The following CUEDC1 variants were observed in gnomAD, a reference collection of about 807,000 sequenced individuals.
CUEDC1 encodes the protein CUE domain-containing protein 1.
A neutral mutation model predicts 43.7 loss-of-function variants in CUEDC1; 30 were observed. The observed-to-expected ratio is 0.69, with a 90% confidence interval of 0.51 to 0.93. The LOEUF (loss-of-function observed/expected upper bound fraction) is 0.93. Ranked by LOEUF, CUEDC1 falls within the 40% of genes least tolerant of loss-of-function variation. CUEDC1 has a pLI of 0.00. For synonymous variants in CUEDC1, 223 were observed against 223.6 expected, an observed-to-expected ratio of 1.00 and a Z score of 0.02; for missense variants, 486 against 549.0, an observed-to-expected ratio of 0.89 and a Z score of 1.15.
intron 2 of CUEDC1, among the ~76,000 whole-genome samples, chr17:57,880,617 T>C (rs1266946397): frequency 6.6e-6 from 1 of 152,056 alleles, no homozygotes; most frequent in African/African-American, 2.4e-5. Context: ...CTTAGATTCT[T>C]CCCCAGAAGC....
chr17:57,935,651 G>A (rs970176923), intron 1 of CUEDC1, among the ~76,000 whole-genome samples: 2 of 152,010 alleles, frequency 1.3e-5, no homozygotes, highest in Non-Finnish European at 2.9e-5. Context: ...CTTCCACAGG[G>A]AACAAAACAA....
chr17:57,897,181 G>T (rs544074884), intron 1 of CUEDC1, among the ~76,000 whole-genome samples: 5 of 152,140 alleles, frequency 3.3e-5, no homozygotes, highest in Admixed American at 2.6e-4. Flanking sequence ...TATATACTTG[G>T]CATGCATTAT....
At chr17:57,899,228 A>G (rs888870331) in intron 1 of CUEDC1, among the ~76,000 whole-genome samples, 3 of 152,110 alleles carry the variant, frequency 2.0e-5, no homozygotes, top group Non-Finnish European at 2.9e-5. Flanking sequence ...GGGATAATTT[A>G]GAGCCACTCA....
chr17:57,901,965 G>A (rs1019313385), intron 1 of CUEDC1, among the ~76,000 whole-genome samples: 4 of 152,146 alleles, frequency 2.6e-5, no homozygotes, highest in African/African-American at 7.2e-5. Flanking sequence ...CCTGAGGTCA[G>A]GAGTTCAAGA....
chr17:57,929,167 A>G (rs746754469), intron 1 of CUEDC1, among the ~76,000 whole-genome samples: 1 of 152,192 alleles, frequency 6.6e-6, no homozygotes, highest in African/African-American at 2.4e-5. Context: ...TTGACACCCA[A>G]TATTATCAAG....
intron 1 of CUEDC1, among the ~76,000 whole-genome samples, chr17:57,938,411 G>A (rs1232805237): frequency 5.3e-5 from 8 of 151,828 alleles, no homozygotes; most frequent in Admixed American, 3.3e-4. Context: ...CAAACAGCTC[G>A]CCTGCCTCCA....
At chr17:57,896,347 C>A (rs1293837288) in intron 1 of CUEDC1, among the ~76,000 whole-genome samples, 1 of 152,164 alleles carries the variant, frequency 6.6e-6, no homozygotes, top group Non-Finnish European at 1.5e-5. Flanking sequence ...ACATTATCAG[C>A]ATCCTCCTCT....
At position 57,866,489 on chromosome 17, in the gene CUEDC1, T is replaced by C. The variant is rs770362613; in HGVS notation, c.1149A>G (p.Arg383=). 1 of 1,614,182 alleles carries C rather than the reference T, an allele frequency of 6.2e-7. No individual in the cohort carries two copies. The highest frequency in any genetic ancestry group is 8.5e-7 in the Non-Finnish European group (1 of 1,180,012). The stretch of plus-strand genomic sequence containing the variant: ...CAGGCCTTACCTCTTACTGTCCTTC[T>C]CGCAGGCCTTCCTCCACCTTGGGTG... ...QEAPKVEEGL[R]EGQ is the part of the protein sequence containing the mutation. Residue 383 remains arginine, a synonymous_variant, in exon 10 of 11, where the codon CGA becomes CGG. Coordinates refer to ENST00000577830, the MANE Select transcript of CUEDC1 (RefSeq NM_001271875.2).
At position 57,920,632 on chromosome 17, in the gene CUEDC1, CTT is replaced by C. The variant is rs58900177; in HGVS notation, c.-316+34591_-316+34592del. Among the ~76,000 whole-genome samples the C allele has an allele frequency of 5.7e-3, 660 of 115,162 alleles. 5 individuals carry two copies. Among genetic ancestry groups the C allele is most frequent in the African/African-American group, 0.016 (525 of 32,804 alleles). The allele number at this position is 115,162 out of a possible 152,430, so 75.6% of individuals were successfully genotyped here. On this transcript the variant is annotated intron_variant, in intron 1 of 10. Transcript: ENST00000577830. The stretch of plus-strand genomic sequence containing the variant: ...ATTATCTGAATTTTCTTTTTCTTTT[CTT>C]TTTTTTTTTTTTTTTGAGATGGAGT...
Position 57,867,368 on chromosome 17 carries a change from C to G in CUEDC1, c.1082G>C (p.Gly361Ala). 6.4e-7 allele frequency: 1 copy of G among 1,552,176 alleles called. No homozygotes were observed. Among genetic ancestry groups the G allele is most frequent in the East Asian group, 2.4e-5 (1 of 40,984 alleles). The change falls in exon 9 of 11, where the codon GGC becomes GCC. Residue 361 changes from glycine (G) to alanine (A), a missense_variant. By Grantham distance (60) the Gly-to-Ala change is moderately conservative. Coordinates refer to ENST00000577830, the MANE Select transcript of CUEDC1 (RefSeq NM_001271875.2). Reference sequence around the variant, plus strand: ...CCCTCCAGCCTCACCACACGCGTGGCCCTCCACATCATCCAGGAGGTTGGC... The same window carrying G: ...CCCTCCAGCCTCACCACACGCGTGGGCCTCCACATCATCCAGGAGGTTGGC... ...STANLLDDVE[G>A]HACDEDFRGR...
intron 1 of CUEDC1, among the ~76,000 whole-genome samples, chr17:57,952,560 G>A (rs987174950): frequency 3.3e-5 from 5 of 152,116 alleles, no homozygotes; most frequent in Non-Finnish European, 7.4e-5. Context: ...CTTCCTGTAA[G>A]TGCAAGAGCC....
chr17:57,868,151 A>T lies in CUEDC1; in HGVS notation c.1033T>A (p.Ser345Thr), dbSNP rs371154051. 6.2e-6 allele frequency: 10 copies of T among 1,613,094 alleles called. No individual in the cohort carries two copies. In the African/African-American group the frequency reaches 1.3e-4, roughly 22 times the overall value. ...CCAGTGCCAGGCTGGAAAGGATACG[A>T]CTGATGCTTCAACAAGTGTTTCCTC... ...SKRKHLLKHQ[S>T]LGAAASTANL... Residue 345 changes from serine to threonine, a missense_variant and splice_region_variant, in exon 8 of 11, where the codon TCG (serine) becomes ACG (threonine). Physicochemically the swap from Ser to Thr is moderately conservative, Grantham distance 58. Transcript: ENST00000577830.
chr17:57,889,338 G>A (rs2074331912), intron 1 of CUEDC1, among the ~76,000 whole-genome samples: 2 of 152,070 alleles, frequency 1.3e-5, no homozygotes, highest in African/African-American at 4.8e-5. Flanking sequence ...TTCTAGGGGG[G>A]TCTTCCCCAG....
intron 1 of CUEDC1, among the ~76,000 whole-genome samples, chr17:57,905,677 A>G (rs1008262015): frequency 3.9e-5 from 6 of 152,240 alleles, no homozygotes; most frequent in African/African-American, 1.2e-4. Context: ...CATGCAGCCA[A>G]CACCTTCCAG....
rs549387167 is a variant in CUEDC1, at chr17:57,950,870, G to A, written c.-316+4355C>T. On this transcript the variant is annotated intron_variant, in intron 1 of 10. Coordinates refer to ENST00000577830, the MANE Select transcript of CUEDC1 (RefSeq NM_001271875.2). Reference sequence around the variant, plus strand: ...GCCCTGTTCCTCTGGACCAATGTTAGTATTAACTTTATGCCATTCAACCCT... The same window carrying A: ...GCCCTGTTCCTCTGGACCAATGTTAATATTAACTTTATGCCATTCAACCCT... 2.0e-5 allele frequency among the ~76,000 whole-genome samples: 3 copies of A among 152,274 alleles called. No individual in the cohort carries two copies. In the South Asian group the frequency reaches 6.2e-4, roughly 32 times the overall value.
intron 1 of CUEDC1, among the ~76,000 whole-genome samples, chr17:57,916,386 C>G (rs2074641108): frequency 6.6e-6 from 1 of 152,244 alleles, no homozygotes; most frequent in South Asian, 2.1e-4. Context: ...TGCACTGCCC[C>G]CTCCTCCCAC....
intron 1 of CUEDC1, among the ~76,000 whole-genome samples, chr17:57,944,827 C>T (rs992023142): frequency 6.6e-6 from 1 of 152,190 alleles, no homozygotes; most frequent in Non-Finnish European, 1.5e-5. Context: ...TCAATCTCTA[C>T]AGAGCGACAG....
At chr17:57,929,948 G>T (rs2074787917) in intron 1 of CUEDC1, among the ~76,000 whole-genome samples, 1 of 152,018 alleles carries the variant, frequency 6.6e-6, no homozygotes, top group Non-Finnish European at 1.5e-5. Context: ...ATTACAGGCA[G>T]GCACCACCAC....
At chr17:57,934,094 C>T (rs943921792) in intron 1 of CUEDC1, among the ~76,000 whole-genome samples, 8 of 152,066 alleles carry the variant, frequency 5.3e-5, no homozygotes, top group African/African-American at 2.4e-5. Context: ...GACCTCTTCT[C>T]TACAATATAA....
Sources: allele counts gnomAD v4.1 joint callset (sites outside exome capture counted in the v4.1 genomes callset), GRCh38; gene constraint gnomAD v4.1.1; transcripts MANE v1.5; gene names NCBI Gene and HGNC (gene_info 2026-07-23, HGNC 2026-07-21).